The following INPP4A variants were observed in gnomAD, a reference collection of about 807,000 sequenced individuals.
INPP4A encodes the protein inositol polyphosphate-4-phosphatase type I A, also known as inositol polyphosphate-4-phosphatase, type I, 107kD.
A neutral mutation model predicts 119.8 loss-of-function variants in INPP4A; 33 were observed. The observed-to-expected ratio is 0.28, with a 90% CI of 0.21 to 0.37. The LOEUF is 0.37. INPP4A is among the 10% of genes least tolerant of loss of function. INPP4A has a pLI of 1.00. For synonymous variants in INPP4A, 496 were observed against 500.7 expected, an observed-to-expected ratio of 0.99 and a Z score of 0.12; for missense variants, 956 against 1,289.9, an observed-to-expected ratio of 0.74 and a Z score of 3.97.
At position 98,587,607 on chromosome 2, in the gene INPP4A, G is replaced by A. The variant is rs759798515; in HGVS notation, c.2918G>A (p.Ter973=). 1.3e-6 allele frequency: 2 copies of A among 1,598,274 alleles called. No individual in the cohort carries two copies. The highest frequency in any genetic ancestry group is 1.2e-5 in the South Asian group (1 of 86,588). ...GGGACTTACGGAAAAGTTGAAACGTGAACACACGGTTTCCTCTAATTAGCT... is the reference window on the plus strand; with the variant it reads ...GGGACTTACGGAAAAGTTGAAACGTAAACACACGGTTTCCTCTAATTAGCT... ...PEGTYGKVET[*] is the part of the protein sequence containing the mutation. Residue 973 remains the stop codon, a stop_retained_variant, in exon 25 of 25, where the codon TGA becomes TAA. Coordinates refer to ENST00000409851, the MANE Select transcript of INPP4A (RefSeq NM_001134225.2).
chr2:98,590,863 A>G lies in INPP4A; in HGVS notation c.*3255A>G, dbSNP rs1472749238. The G allele has an allele frequency of 1.7e-5, 4 of 230,512 alleles. No individual in the cohort carries two copies. The highest frequency in any genetic ancestry group is 3.4e-5 in the Non-Finnish European group (4 of 116,466). 14.3% of individuals were successfully genotyped at this position (230,512 alleles called of 1,614,324 possible). On this transcript the variant is annotated 3_prime_UTR_variant, in exon 25 of 25. Coordinates refer to ENST00000409851, the MANE Select transcript of INPP4A (RefSeq NM_001134225.2). ...AAAATAACATGTGCCTTTTCCCTTT[A>G]TTCTCATTGATGGTAGCAGTGCACC...
rs116175056 is a variant in INPP4A at position 98,515,857 on chromosome 2, C to T, written c.-165-3107C>T. ...CCCTCTCCACCACCCCTTTCCCTGC[C>T]CCCCATGGCTGGAAGGGACATCATG... On this transcript the variant is annotated intron_variant, in intron 1 of 24. Transcript: ENST00000409851. Among the ~76,000 whole-genome samples the T allele has an allele frequency of 5.3e-3, 803 of 152,308 alleles. 10 individuals carry two copies. The highest frequency in any genetic ancestry group is 0.018 in the African/African-American group (746 of 41,552).
chr2:98,466,912 G>C (rs1013430636), intron 1 of INPP4A, among the ~76,000 whole-genome samples: 12 of 152,126 alleles, frequency 7.9e-5, no homozygotes, highest in Admixed American at 3.9e-4. Context: ...TTTCCTCTTG[G>C]ATGTTCTCTT....
intron 24 of INPP4A, among the ~76,000 whole-genome samples, chr2:98,578,715 A>G (rs1369172838): frequency 6.6e-6 from 1 of 152,240 alleles, no homozygotes; most frequent in African/African-American, 2.4e-5. Flanking sequence ...TGCACAAAGC[A>G]CTTTTTATAA....
rs563874169 is a variant in INPP4A, at chr2:98,511,879, G to A, written c.-165-7085G>A. On this transcript the variant is annotated intron_variant, in intron 1 of 24. Coordinates refer to ENST00000409851, the MANE Select transcript of INPP4A (RefSeq NM_001134225.2). ...TGTGCTCTCATGTTCCTTTTCAATA[G>A]CAACCTTTGGGCCTAATTTTTGGTG... Among the ~76,000 whole-genome samples the A allele has an allele frequency of 2.0e-5, 3 of 152,268 alleles. No individual in the cohort carries two copies. In the South Asian group the frequency reaches 6.2e-4, roughly 32 times the overall value.
intron 24 of INPP4A, chr2:98,581,456 G>A: frequency 2.1e-6 from 2 of 961,168 alleles, no homozygotes; most frequent in Non-Finnish European, 2.9e-6. Flanking sequence ...CTTATCTTTT[G>A]TTTCTCTTGT....
At chr2:98,564,570 G>T (rs1214637580) in intron 18 of INPP4A, 70 bp from the exon 19 acceptor site, 16 of 1,589,898 alleles carry the variant, frequency 1.0e-5, no homozygotes, top group East Asian at 2.2e-5. Flanking sequence ...GTGGGGGGCT[G>T]GGCATGATCT....
chr2:98,473,865 C>T (rs1369159289), intron 1 of INPP4A, among the ~76,000 whole-genome samples: 4 of 152,154 alleles, frequency 2.6e-5, no homozygotes, highest in African/African-American at 9.7e-5. Flanking sequence ...TTCATAACTT[C>T]TGTTTGAGGG....
intron 13 of INPP4A, chr2:98,548,941 C>A (rs1251596160): frequency 1.2e-6 from 2 of 1,607,074 alleles, no homozygotes; most frequent in South Asian, 2.2e-5. Context: ...CATTTTGGTT[C>A]TTTTCTTTAG....
chr2:98,577,269 T>A, intron 24 of INPP4A, 126 bp downstream of exon 24: 1 of 1,025,202 alleles, frequency 9.8e-7, no homozygotes, highest in Non-Finnish European at 1.4e-6. Context: ...GCCTTCACAC[T>A]TGAGTTTGAC....
rs755309729 is a variant in INPP4A, at chr2:98,566,029, C to G, written c.2280C>G (p.Arg760=). 1.9e-6 allele frequency: 3 copies of G among 1,605,310 alleles called. No homozygotes were observed. The highest frequency in any genetic ancestry group is 3.4e-5 in the Admixed American group (2 of 59,184). The change falls in exon 21 of 25, where the codon CGC becomes CGG. Residue 760 remains arginine (R), a splice_region_variant and synonymous_variant. Coordinates refer to ENST00000409851, the MANE Select transcript of INPP4A (RefSeq NM_001134225.2). This position sits in a 1 kb window ranked among gnomAD's most constrained non-coding sequence, Gnocchi z 4.2. ...ADMLPVITGN[R]DGFNVRVPLP... is the part of the protein sequence containing the mutation. ...TCTCCCTCTCTCCACCTTTCTCCAG[C>G]GACGGGTTTAACGTGCGGGTCCCTC...
At chr2:98,516,823 C>T (rs2105668206) in intron 1 of INPP4A, among the ~76,000 whole-genome samples, 1 of 152,314 alleles carries the variant, frequency 6.6e-6, no homozygotes, top group Non-Finnish European at 1.5e-5. Context: ...CCCAGCATGG[C>T]TGTCATCTTG....
chr2:98,457,599 T>C lies in INPP4A; in HGVS notation c.-166+12514T>C, dbSNP rs74324646. On this transcript the variant is annotated intron_variant, in intron 1 of 24. Coordinates refer to ENST00000409851, the MANE Select transcript of INPP4A (RefSeq NM_001134225.2). ...GACGTAGACTGTGAACCTAACTTAATTGACTACTGTAATGAATACAAACAG... is the reference window on the plus strand; with the variant it reads ...GACGTAGACTGTGAACCTAACTTAACTGACTACTGTAATGAATACAAACAG... Among the ~76,000 whole-genome samples, 100 of 152,318 alleles carry C rather than the reference T, an allele frequency of 6.6e-4. 2 individuals carry two copies. The East Asian group carries it at 0.01, about 15-fold the overall frequency.
intron 4 of INPP4A, among the ~76,000 whole-genome samples, chr2:98,526,530 ATCT>A: frequency 6.6e-6 from 1 of 152,310 alleles, no homozygotes; most frequent in South Asian, 2.1e-4. Context: ...ACTTCCAAAA[ATCT>A]TCTTTTCTAT....
At chr2:98,571,369 G>A (rs1697406854) in intron 22 of INPP4A, among the ~76,000 whole-genome samples, 2 of 152,226 alleles carry the variant, frequency 1.3e-5, no homozygotes. Flanking sequence ...CACCGGCAGG[G>A]CCAGCCAAGG....
At chr2:98,476,669 C>G (rs555598593) in intron 1 of INPP4A, among the ~76,000 whole-genome samples, 1 of 152,288 alleles carries the variant, frequency 6.6e-6, no homozygotes, top group East Asian at 1.9e-4. Context: ...CAGGGCCCAC[C>G]TCCCTCTGCG....
chr2:98,525,921 G>C (rs912776117), intron 4 of INPP4A, among the ~76,000 whole-genome samples: 1 of 152,180 alleles, frequency 6.6e-6, no homozygotes, highest in African/African-American at 2.4e-5. Context: ...AAAACTGTTG[G>C]CTTCTCATAA....
chr2:98,506,423 A>C (rs972515537), intron 1 of INPP4A, among the ~76,000 whole-genome samples: 12 of 152,238 alleles, frequency 7.9e-5, no homozygotes, highest in African/African-American at 2.4e-4. Context: ...CTCCCAGCCC[A>C]GCGGTGTGGT....
chr2:98,522,314 A>G (rs1465361070), intron 4 of INPP4A, among the ~76,000 whole-genome samples: 1 of 151,660 alleles, frequency 6.6e-6, no homozygotes, highest in African/African-American at 2.4e-5. Flanking sequence ...GAAAGAAAGA[A>G]ATTATAATTT....
Sources: allele counts gnomAD v4.1 joint callset (sites outside exome capture counted in the v4.1 genomes callset), GRCh38; gene constraint gnomAD v4.1.1; non-coding constraint Gnocchi (gnomAD v3.1); transcripts MANE v1.5; gene names NCBI Gene and HGNC (gene_info 2026-07-23, HGNC 2026-07-21).